ATP7A: variants seen among roughly 807,000 people sequenced by gnomAD.
ATP7A encodes copper-transporting ATPase 1.
Under a neutral mutation model 83.5 loss-of-function variants are expected in ATP7A, and 7 were observed. The observed-to-expected ratio is 0.08, with a 90% CI of 0.05 to 0.16. The LOEUF is 0.16. Among genes scored for constraint, ATP7A ranks in the 10% least tolerant of loss-of-function variants. The pLI is 1.00. For missense variants in ATP7A, 940 were observed against 1,120.8 expected (o/e 0.84, Z 2.30); for synonymous variants, 354 against 395.2 (o/e 0.90, Z 1.24).
intron 9 of ATP7A, chrX:78,011,909 T>C (rs1308930465): frequency 1.7e-5 from 4 of 236,319 alleles, no homozygotes; most frequent in African/African-American, 1.2e-4. Context: ...TCTGCTACTG[T>C]ATATAACTTT....
At chrX:78,044,147 G>A (rs1028400798) in intron 21 of ATP7A, among the ~76,000 whole-genome samples, 2 of 106,385 alleles carry the variant, frequency 1.9e-5, no homozygotes, top group South Asian at 8.6e-4. Context: ...CCAGCTACTC[G>A]GGAGACGGAG....
At position 78,011,183 on chromosome X, in the gene ATP7A, G is replaced by C. The variant is rs782667972; in HGVS notation, c.1877G>C (p.Gly626Ala). The C allele has an allele frequency of 2.5e-6, 3 of 1,208,978 alleles. No individual in the cohort carries two copies. The highest frequency in any genetic ancestry group is 5.9e-5 in the East Asian group (2 of 33,775). Residue 626 changes from glycine (G) to alanine (A), a missense_variant, in exon 8 of 23, where the codon GGT becomes GCT. Gly to Ala is a moderately conservative substitution (Grantham distance 60, BLOSUM62 0). Around this residue, in one of 3 missense-constraint regions of ATP7A, gnomAD observed 204 missense variants for 185.8 expected, o/e 1.10. Transcript: ENST00000341514. ...TCTCATGAATTTCCTTAGAGCTTAG[G>C]TTTTGAAGCTTCTTTGGTCAAGAAG... The part of the protein sequence containing the change: ...RDIIHTIESL[G>A]FEASLVKKDR...
intron 1 of ATP7A, among the ~76,000 whole-genome samples, chrX:77,918,609 C>T (rs782752414): frequency 2.8e-4 from 31 of 111,195 alleles, no homozygotes; most frequent in Non-Finnish European, 4.9e-4. Context: ...TTAGCTGAGA[C>T]ATGTAGCAGA....
At chrX:78,041,347 C>T (rs1186004446) in intron 19 of ATP7A, among the ~76,000 whole-genome samples, 5 of 109,774 alleles carry the variant, frequency 4.6e-5, no homozygotes, top group African/African-American at 1.7e-4. Context: ...GCGATCTCGG[C>T]TCATCGCAAC....
At chrX:77,975,042 A>G (rs1464276695) in intron 2 of ATP7A, among the ~76,000 whole-genome samples, 3 of 112,097 alleles carry the variant, frequency 2.7e-5, no homozygotes, top group Non-Finnish European at 5.6e-5. Context: ...ACCTAGAAAA[A>G]TCCTTGCTAT....
In ATP7A at chrX:78,011,033, A is replaced by G. The variant is rs782675036; in HGVS notation, c.1870-143A>G. ...GAAACAAATGCAATCAAGAGCAGGA[A>G]GCACATCTTCATCTTTGTATTCCCC... On this transcript the variant is annotated intron_variant, in intron 7 of 22. Transcript: ENST00000341514. 8.0e-6 allele frequency: 4 copies of G among 497,896 alleles called. No homozygotes were observed. The East Asian group carries it at 1.5e-4, about 18-fold the overall frequency. 41.0% of individuals were successfully genotyped at this position (497,896 alleles called of 1,213,427 possible).
At chrX:78,032,873 C>T (rs1327916313) in intron 16 of ATP7A, among the ~76,000 whole-genome samples, 2 of 111,358 alleles carry the variant, frequency 1.8e-5, no homozygotes, top group Non-Finnish European at 3.8e-5. Context: ...ACAATGAGGG[C>T]CCCCAGAACT....
chrX:77,983,777 C>A (rs371884942), intron 2 of ATP7A, among the ~76,000 whole-genome samples: 1 of 110,460 alleles, frequency 9.1e-6, no homozygotes, highest in Non-Finnish European at 1.9e-5. Flanking sequence ...CTCCGCCTCC[C>A]GGGTTCAAGC....
chrX:77,995,135 T>C (rs1244840598), intron 4 of ATP7A, among the ~76,000 whole-genome samples: 1 of 111,843 alleles, frequency 8.9e-6, no homozygotes, highest in African/African-American at 3.3e-5. Context: ...GAATTGTAAC[T>C]ACCCATTTTT....
At chrX:77,941,039 C>G (rs1166297671) in intron 1 of ATP7A, among the ~76,000 whole-genome samples, 4 of 111,586 alleles carry the variant, frequency 3.6e-5, no homozygotes, top group Non-Finnish European at 1.9e-5. Flanking sequence ...TAAATAAGTA[C>G]TATTTATATA....
At chrX:78,034,524 T>G (rs1557237529) in intron 17 of ATP7A, among the ~76,000 whole-genome samples, 1 of 111,233 alleles carries the variant, frequency 9.0e-6, no homozygotes, top group Non-Finnish European at 1.9e-5. Context: ...ATGCCTCAGT[T>G]CATTGCAGTC....
intron 1 of ATP7A, among the ~76,000 whole-genome samples, chrX:77,921,705 C>A (rs1460638315): frequency 1.8e-5 from 2 of 111,124 alleles, no homozygotes; most frequent in Non-Finnish European, 3.8e-5. Flanking sequence ...GAGTTTGACA[C>A]CAGCCTGGCC....
chrX:78,012,325 C>G (rs1449926228), intron 9 of ATP7A, among the ~76,000 whole-genome samples: 1 of 111,587 alleles, frequency 9.0e-6, no homozygotes, highest in African/African-American at 3.3e-5. Context: ...GTTATATTTA[C>G]CAACAAAAAC....
At chrX:78,003,714 G>A (rs2149090499) in intron 6 of ATP7A, among the ~76,000 whole-genome samples, 1 of 110,641 alleles carries the variant, frequency 9.0e-6, no homozygotes, top group South Asian at 3.8e-4. Context: ...GGCTGAGGTG[G>A]GTGGATTAGT....
In ATP7A at chrX:78,036,232, G is replaced by C. The variant is rs781937114; in HGVS notation, c.3511+2411G>C. On this transcript the variant is annotated intron_variant, in intron 17 of 22. Transcript: ENST00000341514. ...GTGCTGTGGAGGAAAATTAAGTGGG[G>C]CAAGGGGCATAGGGGTGCTGGGAGT... Among the ~76,000 whole-genome samples, 149 of 111,506 alleles carry C rather than the reference G, an allele frequency of 1.3e-3. 1 individual carries two copies. The highest frequency in any genetic ancestry group is 4.7e-3 in the African/African-American group (143 of 30,718).
At chrX:77,986,588 G>A (rs1277581790) in intron 2 of ATP7A, among the ~76,000 whole-genome samples, 1 of 110,795 alleles carries the variant, frequency 9.0e-6, no homozygotes, top group African/African-American at 3.3e-5. Context: ...AGTTAATGAC[G>A]CCACCATCTA....
intron 6 of ATP7A, among the ~76,000 whole-genome samples, chrX:78,008,709 C>G (rs782076328): frequency 9.0e-6 from 1 of 110,931 alleles, no homozygotes; most frequent in East Asian, 2.8e-4. Flanking sequence ...CTAAAGCATA[C>G]TAGTAGTGCA....
chrX:77,953,457 A>G (rs1279012864), intron 1 of ATP7A, among the ~76,000 whole-genome samples: 1 of 111,596 alleles, frequency 9.0e-6, no homozygotes, highest in Non-Finnish European at 1.9e-5. Context: ...AACACATAAC[A>G]TTGTTGAAAA....
At chrX:77,933,464 G>A (rs1458521434) in intron 1 of ATP7A, among the ~76,000 whole-genome samples, 1 of 111,963 alleles carries the variant, frequency 8.9e-6, no homozygotes, top group Non-Finnish European at 1.9e-5. Context: ...TAGAGACCAA[G>A]TAGCAATAGG....
Sources: allele counts gnomAD v4.1 joint callset (sites outside exome capture counted in the v4.1 genomes callset), GRCh38; gene constraint gnomAD v4.1.1; regional missense constraint gnomAD v4.1.1; transcripts MANE v1.5; gene names NCBI Gene and HGNC (gene_info 2026-07-23, HGNC 2026-07-21).